ZNF668: variants seen among roughly 807,000 people sequenced by gnomAD.
ZNF668 encodes the protein zinc finger protein 668.
ZNF668 carries 10 observed loss-of-function variants against 40.3 expected under a neutral mutation model. The observed-to-expected ratio is 0.25, with a 90% CI of 0.15 to 0.42. ZNF668 has a LOEUF of 0.42. Among genes scored for constraint, ZNF668 ranks in the 10% least tolerant of loss-of-function variants. ZNF668 has a pLI of 1.00. For missense variants in ZNF668, 749 were observed against 904.6 expected (o/e 0.83, Z 2.21); for synonymous variants, 428 against 384.6 (o/e 1.11, Z -1.32).
chr16:31,067,559 C>T (rs538762502), intron 1 of ZNF668, among the ~76,000 whole-genome samples: 2 of 152,234 alleles, frequency 1.3e-5, no homozygotes, highest in Admixed American at 1.3e-4. Context: ...ACAGTACTTA[C>T]CTGACAGAGT....
chr16:31,064,420 C>T lies in ZNF668; in HGVS notation c.40G>A (p.Gly14Ser). The T allele has an allele frequency of 1.2e-6, 2 of 1,612,878 alleles. No individual in the cohort carries two copies. The highest frequency in any genetic ancestry group is 1.7e-6 in the Non-Finnish European group (2 of 1,179,954). The stretch of plus-strand genomic sequence containing the variant: ...TAGCGGCGGCCCGAGCGCTTGTAGC[C>T]GGGGGCTGGGGACCGGGCCTCTGCA... ...EAAEARSPAP[G>S]YKRSGRRYKC... The change falls in exon 2 of 3, where the codon GGC becomes AGC. Residue 14 changes from glycine (G) to serine (S), a missense_variant. This residue lies in a region of ZNF668 where 159 missense variants were observed against 139.8 expected (regional missense o/e 1.14). Coordinates refer to ENST00000300849, the MANE Select transcript of ZNF668 (RefSeq NM_024706.5).
At position 31,066,999 on chromosome 16, in the gene ZNF668, C is replaced by T. The variant is rs2056985484; in HGVS notation, c.-22-2518G>A. Among the ~76,000 whole-genome samples, 4 of 152,124 alleles carry T rather than the reference C, an allele frequency of 2.6e-5. No individual in the cohort carries two copies. The South Asian group carries it at 8.3e-4, about 32-fold the overall frequency. ...AGTTCAAGACAAGGCGGGTGGATCCCTTGAGCCCAGGAGTTCAAGACCAGC... is the reference window on the plus strand; with the variant it reads ...AGTTCAAGACAAGGCGGGTGGATCCTTTGAGCCCAGGAGTTCAAGACCAGC... On this transcript the variant is annotated intron_variant, in intron 1 of 2. Coordinates refer to ENST00000300849, the MANE Select transcript of ZNF668 (RefSeq NM_024706.5).
intron 1 of ZNF668, chr16:31,066,107 T>C (rs2056980160): frequency 1.0e-5 from 10 of 985,436 alleles, no homozygotes; most frequent in Non-Finnish European, 1.2e-5. Flanking sequence ...CCCTTCTGCC[T>C]GAAATCCCGG....
rs770667314 is a variant in ZNF668, at chr16:31,061,050, G to T, written c.*18C>A. 2.9e-5 allele frequency: 43 copies of T among 1,482,126 alleles called. No individual in the cohort carries two copies. The South Asian group carries it at 6.0e-4, about 21-fold the overall frequency. The allele number at this position is 1,482,126 out of a possible 1,614,324, so 91.8% of individuals were successfully genotyped here. A position where few individuals can be genotyped will look rare whatever the true frequency, so the allele number is the denominator to read the frequency against. On this transcript the variant is annotated 3_prime_UTR_variant, in exon 3 of 3. Transcript: ENST00000300849. The surrounding 1 kb of genome is among the most constrained non-coding windows in gnomAD (Gnocchi z 7.7). Reference sequence around the variant, plus strand: ...GGGGGCTGGGCTCCCGGAGTGTGGTGCTGGGGGGTCATGGGCTTCAGGCCG... The same window carrying T: ...GGGGGCTGGGCTCCCGGAGTGTGGTTCTGGGGGGTCATGGGCTTCAGGCCG...
chr16:31,069,652 C>T lies in ZNF668; in HGVS notation c.-23+4007G>A, dbSNP rs2057001129. Among the ~76,000 whole-genome samples, 3 of 152,106 alleles carry T rather than the reference C, an allele frequency of 2.0e-5. No individual in the cohort carries two copies. In the South Asian group the frequency reaches 6.2e-4, roughly 32 times the overall value. ...TTTACCCCTGATAATCATTCTCTAT[C>T]TACTCTTTATTATTATTATTATTTT... On this transcript the variant is annotated intron_variant, in intron 1 of 2. Coordinates refer to ENST00000300849, the MANE Select transcript of ZNF668 (RefSeq NM_024706.5).
rs1567399577 is a variant in ZNF668, at chr16:31,064,022, C to G, written c.438G>C (p.Pro146=). Residue 146 remains proline, a synonymous_variant, in exon 2 of 3, where the codon CCG becomes CCC. Transcript: ENST00000300849. ...GCTTGGAGAGCGCGCCATAGGCCTT[C>G]GGGCAGTGCGCACAGCGGAAGGGCA... ...GELPFRCAHC[P]KAYGALSKLK... is the part of the protein sequence containing the mutation. 4 of 1,606,146 alleles carry G rather than the reference C, an allele frequency of 2.5e-6. No homozygotes were observed. The highest frequency in any genetic ancestry group is 3.4e-6 in the Non-Finnish European group (4 of 1,174,746).
At chr16:31,068,167 C>G (rs2056990265) in intron 1 of ZNF668, among the ~76,000 whole-genome samples, 1 of 140,772 alleles carries the variant, frequency 7.1e-6, no homozygotes. Flanking sequence ...CAGCATGCGC[C>G]CAGCTACACA....
In ZNF668 at chr16:31,061,053, G is replaced by A. The variant is rs376185913; in HGVS notation, c.*15C>T. 6.8e-5 allele frequency: 101 copies of A among 1,480,844 alleles called. No individual in the cohort carries two copies. The highest frequency in any genetic ancestry group is 8.8e-5 in the Non-Finnish European group (98 of 1,117,824). 91.7% of individuals were successfully genotyped at this position (1,480,844 alleles called of 1,614,324 possible). A position where few individuals can be genotyped will look rare whatever the true frequency, so the allele number is the denominator to read the frequency against. ...GGCTGGGCTCCCGGAGTGTGGTGCT[G>A]GGGGGTCATGGGCTTCAGGCCGGCC... On this transcript the variant is annotated 3_prime_UTR_variant, in exon 3 of 3. Transcript: ENST00000300849. This position sits in a 1 kb window ranked among gnomAD's most constrained non-coding sequence, Gnocchi z 7.7.
intron 1 of ZNF668, among the ~76,000 whole-genome samples, chr16:31,069,642 C>A (rs1276396437): frequency 2.0e-5 from 3 of 152,052 alleles, no homozygotes; most frequent in Non-Finnish European, 4.4e-5. Flanking sequence ...CCCTGATAAT[C>A]ATTCTCTATC....
Position 31,061,410 on chromosome 16 carries a change from AC to A in ZNF668, c.1517del (p.Gly506ValfsTer23). On this transcript the variant is annotated frameshift_variant, in exon 3 of 3. Transcript: ENST00000300849. LOFTEE classifies it high-confidence loss of function. This position sits in a 1 kb window ranked among gnomAD's most constrained non-coding sequence, Gnocchi z 7.7. ...GPLEGAGEAGGEEADEKPPQF... is the reference protein window; with the variant it reads ...GPLEGAGEAGXEEADEKPPQF... The stretch of plus-strand genomic sequence containing the variant: ...GGGGGGGCTTCTCGTCAGCCTCCTC[AC>A]CCCCCGCCTCGCCTGCCCCTTCCAA... 4 of 1,611,492 alleles carry A rather than the reference AC, an allele frequency of 2.5e-6. No individual in the cohort carries two copies. The highest frequency in any genetic ancestry group is 3.4e-6 in the Non-Finnish European group (4 of 1,179,226).
At chr16:31,068,112 A>G (rs948457859) in intron 1 of ZNF668, among the ~76,000 whole-genome samples, 2 of 149,964 alleles carry the variant, frequency 1.3e-5, no homozygotes, top group African/African-American at 2.5e-5. Flanking sequence ...CCCTCCTCCC[A>G]TGGCACTTCC....
intron 1 of ZNF668, chr16:31,066,327 C>G: frequency 1.2e-5 from 12 of 985,454 alleles, no homozygotes; most frequent in Non-Finnish European, 1.4e-5. Context: ...AAGCATCTCC[C>G]CTTTGGGTTT....
intron 1 of ZNF668, 41 bp from the exon 2 acceptor site, chr16:31,064,522 G>A (rs1368742749): frequency 1.3e-6 from 2 of 1,599,432 alleles, no homozygotes; most frequent in South Asian, 2.2e-5. Flanking sequence ...ACATACCTTC[G>A]CCACTCCTGA....
chr16:31,067,172 A>G lies in ZNF668; in HGVS notation c.-22-2691T>C, dbSNP rs533090132. On this transcript the variant is annotated intron_variant, in intron 1 of 2. Coordinates refer to ENST00000300849, the MANE Select transcript of ZNF668 (RefSeq NM_024706.5). ...GAGACTGAGGTTGCAGTAAGCCAAG[A>G]TGGTGCCACTGCACTCCAGCCTGGC... is the stretch of plus-strand genomic sequence containing the variant. Among the ~76,000 whole-genome samples, 10 of 152,014 alleles carry G rather than the reference A, an allele frequency of 6.6e-5. No homozygotes were observed. The South Asian group carries it at 2.1e-3, about 32-fold the overall frequency.
At position 31,062,264 on chromosome 16, in the gene ZNF668, G is replaced by A. The variant is rs773506838; in HGVS notation, c.664C>T (p.Arg222Cys). 1 of 1,604,264 alleles carries A rather than the reference G, an allele frequency of 6.2e-7. No individual in the cohort carries two copies. Among genetic ancestry groups the A allele is most frequent in the Non-Finnish European group, 8.5e-7 (1 of 1,175,350 alleles). Residue 222 changes from arginine to cysteine, a missense_variant, in exon 3 of 3, where the codon CGC becomes TGC. Transcript: ENST00000300849. ...CCGCACTCGGAGCAGAGGAAGGGGC[G>A]CTCGCCGGTGTGGGACCTGCGGGGG... ...RNHERSHTGE[R>C]PFLCSECGKS...
At chr16:31,066,347 C>G (rs2056981831) in intron 1 of ZNF668, 1 of 985,348 alleles carries the variant, frequency 1.0e-6, no homozygotes, top group African/African-American at 1.7e-5. Context: ...TGGCCCCAAT[C>G]CCACAAAACT....
rs778360214 is a variant in ZNF668 at position 31,062,208 on chromosome 16, C to T, written c.720G>A (p.Thr240=). 8 of 1,613,456 alleles carry T rather than the reference C, an allele frequency of 5.0e-6. No homozygotes were observed. Among genetic ancestry groups the T allele is most frequent in the East Asian group, 2.2e-5 (1 of 44,878 alleles). ...GKSFSRSSSL[T]CHQRIHAAQK... ...GTGCCGCGTGGATGCGCTGGTGGCA[C>T]GTGAGCGAGGATGAGCGGGAGAAGC... The change falls in exon 3 of 3, where the codon ACG becomes ACA. Residue 240 remains threonine (T), a synonymous_variant. Coordinates refer to ENST00000300849, the MANE Select transcript of ZNF668 (RefSeq NM_024706.5).
chr16:31,068,948 C>T (rs2143774780), intron 1 of ZNF668: 1 of 152,240 alleles, frequency 6.6e-6, no homozygotes, highest in Non-Finnish European at 1.5e-5. Context: ...CCTTAGGTCT[C>T]CACGAGCTCT....
At chr16:31,071,782 G>A (rs2057017186) in intron 1 of ZNF668, among the ~76,000 whole-genome samples, 1 of 152,128 alleles carries the variant, frequency 6.6e-6, no homozygotes, top group Non-Finnish European at 1.5e-5. Context: ...CCTTTATGGT[G>A]TCATCTGGAC....
Sources: gnomAD v4.1 joint callset for allele counts (sites outside exome capture counted in the v4.1 genomes callset) on GRCh38, gnomAD v4.1.1 for gene constraint, gnomAD v4.1.1 regional missense constraint, Gnocchi (gnomAD v3.1) non-coding constraint, MANE v1.5 for transcripts, NCBI Gene and HGNC (gene_info 2026-07-23, HGNC 2026-07-21) for gene names.